The following TENM4 variants were observed in gnomAD, a reference collection of about 807,000 sequenced individuals.
TENM4 encodes the protein teneurin-4.
TENM4 carries 82 observed loss-of-function variants against 243.3 expected under a neutral mutation model. The ratio of observed to expected loss-of-function variants is 0.34; its 90% CI spans 0.28 to 0.40. The LOEUF (loss-of-function observed/expected upper bound fraction) is 0.40, where lower values mean the gene tolerates loss of function less well. Among genes scored for constraint, TENM4 ranks in the 10% least tolerant of loss-of-function variants. The pLI is 1.00. For synonymous variants in TENM4, 1,412 were observed against 1,456.3 expected (o/e 0.97, Z 0.69); for missense variants, 3,138 against 3,673.3 (o/e 0.85, Z 3.77).
In TENM4 at chr11:78,669,862, C is replaced by A; in HGVS notation, c.6483G>T (p.Ser2161=). ...ACTGGACGGTCATCCAGTACATGAG[C>A]GAGCGGAAGATCTCATACTGCACTT... is the stretch of plus-strand genomic sequence containing the variant. ...MKEVQYEIFR[S]LMYWMTVQYD... Residue 2161 remains serine, a synonymous_variant, in exon 32 of 34, where the codon TCG becomes TCT. Transcript: ENST00000278550. This position sits in a 1 kb window ranked among gnomAD's most constrained non-coding sequence, Gnocchi z 6.4. 1 of 1,613,668 alleles carries A rather than the reference C, an allele frequency of 6.2e-7. No homozygotes were observed. Among genetic ancestry groups the A allele is most frequent in the Non-Finnish European group, 8.5e-7 (1 of 1,179,774 alleles).
chr11:78,810,647 G>A (rs1231003305), intron 14 of TENM4, among the ~76,000 whole-genome samples: 1 of 152,230 alleles, frequency 6.6e-6, no homozygotes, highest in East Asian at 1.9e-4. Flanking sequence ...GTCTGAATCA[G>A]GACTTCCAGC....
At chr11:78,811,558 C>A (rs1857500250) in intron 14 of TENM4, among the ~76,000 whole-genome samples, 1 of 140,488 alleles carries the variant, frequency 7.1e-6, no homozygotes, top group South Asian at 2.4e-4. Context: ...CACTGCAGAG[C>A]CATACACATG....
At chr11:79,249,902 T>G (rs1855580400) in intron 2 of TENM4, among the ~76,000 whole-genome samples, 1 of 152,244 alleles carries the variant, frequency 6.6e-6, no homozygotes, top group Non-Finnish European at 1.5e-5. Flanking sequence ...CTATGAGCAG[T>G]AGTGGCGGCA....
intron 6 of TENM4, among the ~76,000 whole-genome samples, chr11:78,915,720 A>T (rs1431008630): frequency 6.6e-6 from 1 of 152,218 alleles, no homozygotes; most frequent in Non-Finnish European, 1.5e-5. Flanking sequence ...GCCAGCATCA[A>T]AGGTCAAGGC....
chr11:78,942,042 A>G (rs1376755538), intron 6 of TENM4, among the ~76,000 whole-genome samples: 1 of 151,242 alleles, frequency 6.6e-6, no homozygotes, highest in Non-Finnish European at 1.5e-5. Flanking sequence ...TCCCTGGGCC[A>G]TACTGGAAGA....
Position 78,669,911 on chromosome 11 carries a change from A to C in TENM4, c.6434T>G (p.Phe2145Cys), listed in dbSNP as rs1047870015. Residue 2145 changes from phenylalanine to cysteine, a missense_variant, in exon 32 of 34, where the codon TTT becomes TGT. By Grantham distance (205) the Phe-to-Cys change is radical. Transcript: ENST00000278550. This position sits in a 1 kb window ranked among gnomAD's most constrained non-coding sequence, Gnocchi z 6.4. ...TTAVMTHTKH[F>C]DAYGRMKEVQ... The stretch of plus-strand genomic sequence containing the variant: ...TTCCTTCATCCTGCCATATGCATCA[A>C]AATGCTTGGTGTGGGTCATGACAGC... The C allele has an allele frequency of 6.2e-7, 1 of 1,613,730 alleles. No homozygotes were observed. The highest frequency in any genetic ancestry group is 8.5e-7 in the Non-Finnish European group (1 of 1,179,872).
At chr11:78,862,396 A>C (rs754094887) in intron 10 of TENM4, among the ~76,000 whole-genome samples, 1 of 152,200 alleles carries the variant, frequency 6.6e-6, no homozygotes, top group Admixed American at 6.5e-5. Context: ...TTTGGCAAAA[A>C]GTTTTAAAAC....
At chr11:79,038,792 A>G (rs1027832499) in intron 6 of TENM4, among the ~76,000 whole-genome samples, 1 of 152,240 alleles carries the variant, frequency 6.6e-6, no homozygotes, top group African/African-American at 2.4e-5. Context: ...AAACTATGCA[A>G]GAGTTTAACT....
intron 4 of TENM4, among the ~76,000 whole-genome samples, chr11:79,128,955 C>A (rs187593429): frequency 1.5e-4 from 23 of 152,272 alleles, no homozygotes; most frequent in Non-Finnish European, 3.1e-4. Context: ...ACTACAAGAA[C>A]AAACCAGCAA....
chr11:79,123,761 T>C (rs1861799302), intron 4 of TENM4, among the ~76,000 whole-genome samples: 1 of 152,096 alleles, frequency 6.6e-6, no homozygotes, highest in African/African-American at 2.4e-5. Context: ...TTCAGGCCAT[T>C]CTCTAGGATG....
intron 27 of TENM4, among the ~76,000 whole-genome samples, chr11:78,704,571 T>C (rs745624670): frequency 9.2e-5 from 14 of 152,134 alleles, no homozygotes; most frequent in Admixed American, 4.6e-4. Context: ...ATGTTTGCTA[T>C]GTATTAAGTA....
At chr11:79,422,655 C>G (rs1365546548) in intron 1 of TENM4, among the ~76,000 whole-genome samples, 1 of 152,202 alleles carries the variant, frequency 6.6e-6, no homozygotes, top group Admixed American at 6.5e-5. Context: ...TTCAGAAGCA[C>G]TAACATCAAG....
At chr11:79,009,416 G>A (rs1442769756) in intron 6 of TENM4, among the ~76,000 whole-genome samples, 4 of 152,178 alleles carry the variant, frequency 2.6e-5, no homozygotes, top group Admixed American at 2.6e-4. Context: ...TGGGGATGTG[G>A]AGATGAGAAA....
chr11:79,390,537 T>C (rs2135539905), intron 1 of TENM4, among the ~76,000 whole-genome samples: 1 of 152,338 alleles, frequency 6.6e-6, no homozygotes, highest in African/African-American at 2.4e-5. Context: ...ATCCTCATTT[T>C]TCAGAAGCTG....
Position 79,064,964 on chromosome 11 carries a change from C to G in TENM4, c.267G>C (p.Thr89=). ...TCCGGTACAGGGTCCCGTGAGGGGG[C>G]GTTACTTCTTCCAGCCCCAGCTCCC... ...TLRELGLEEV[T]PPHGTLYRTD... Residue 89 remains threonine (T), a synonymous_variant, in exon 6 of 34, where the codon ACG becomes ACC. Transcript: ENST00000278550. 1 of 1,472,666 alleles carries G rather than the reference C, an allele frequency of 6.8e-7. No homozygotes were observed. Among genetic ancestry groups the G allele is most frequent in the Non-Finnish European group, 9.0e-7 (1 of 1,107,282 alleles). 91.2% of individuals were successfully genotyped at this position (1,472,666 alleles called of 1,614,324 possible).
At chr11:79,392,141 G>C (rs1858247396) in intron 1 of TENM4, among the ~76,000 whole-genome samples, 1 of 152,210 alleles carries the variant, frequency 6.6e-6, no homozygotes, top group Non-Finnish European at 1.5e-5. Flanking sequence ...CTTAGCCCCA[G>C]GAACTCTGAA....
At chr11:79,188,001 T>C (rs1863409296) in intron 3 of TENM4, among the ~76,000 whole-genome samples, 1 of 152,214 alleles carries the variant, frequency 6.6e-6, no homozygotes, top group Non-Finnish European at 1.5e-5. Context: ...AAGAACAGTG[T>C]TTCAGTAGAG....
At chr11:79,201,080 A>G (rs1863728401) in intron 3 of TENM4, among the ~76,000 whole-genome samples, 1 of 152,172 alleles carries the variant, frequency 6.6e-6, no homozygotes, top group African/African-American at 2.4e-5. Flanking sequence ...CATCATTAGG[A>G]CTCATGGACA....
Position 78,672,026 on chromosome 11 carries a change from C to T in TENM4, c.5793+7G>A, listed in dbSNP as rs1858340613. ...AAGGCCAGTGATGCAGGGAGACAGA[C>T]ACCTGCCTTCTCTAAGTATGTGTAG... On this transcript the variant is annotated splice_region_variant and intron_variant, in intron 31 of 33. Transcript: ENST00000278550. 1 of 1,609,160 alleles carries T rather than the reference C, an allele frequency of 6.2e-7. No homozygotes were observed. Among genetic ancestry groups the T allele is most frequent in the Non-Finnish European group, 8.5e-7 (1 of 1,176,780 alleles).
Sources: allele counts gnomAD v4.1 joint callset (sites outside exome capture counted in the v4.1 genomes callset), GRCh38; gene constraint gnomAD v4.1.1; non-coding constraint Gnocchi (gnomAD v3.1); transcripts MANE v1.5; gene names NCBI Gene and HGNC (gene_info 2026-07-23, HGNC 2026-07-21).